The following PXDNL variants were observed in gnomAD, a reference collection of about 807,000 sequenced individuals.
PXDNL encodes peroxidasin like.
A neutral mutation model predicts 150.8 loss-of-function variants in PXDNL; 145 were observed. The observed-to-expected ratio is 0.96, with a 90% CI of 0.84 to 1.10. PXDNL has a LOEUF of 1.10. Ranked by LOEUF, PXDNL falls within the 50% of genes least tolerant of loss-of-function variation. The probability of loss-of-function intolerance (pLI) is 0.00; values close to 1 mark genes in which losing one functional copy is unlikely to be tolerated. For synonymous variants in PXDNL, 757 were observed against 725.7 expected, an observed-to-expected ratio of 1.04 and a Z score of -0.69; for missense variants, 2,087 against 1,873.9, an observed-to-expected ratio of 1.11 and a Z score of -2.10.
intron 1 of PXDNL, among the ~76,000 whole-genome samples, chr8:51,707,404 T>C (rs992961455): frequency 6.6e-6 from 1 of 152,192 alleles, no homozygotes; most frequent in Non-Finnish European, 1.5e-5. Context: ...TTTGGACATA[T>C]GCCTATACTC....
intron 1 of PXDNL, among the ~76,000 whole-genome samples, chr8:51,741,809 C>T (rs1334752941): frequency 5.9e-5 from 9 of 152,194 alleles, no homozygotes; most frequent in African/African-American, 2.2e-4. Flanking sequence ...TAAAATATCA[C>T]AATTCTGGAA....
intron 1 of PXDNL, among the ~76,000 whole-genome samples, chr8:51,736,567 C>T (rs1477910611): frequency 6.6e-6 from 1 of 152,214 alleles, no homozygotes; most frequent in African/African-American, 2.4e-5. Flanking sequence ...CTCCTTGTTC[C>T]TGTTTGTCTT....
intron 4 of PXDNL, among the ~76,000 whole-genome samples, chr8:51,509,826 G>C (rs939599199): frequency 6.7e-6 from 1 of 150,050 alleles, no homozygotes; most frequent in Non-Finnish European, 1.5e-5. Flanking sequence ...GTGTGTGTGT[G>C]TATATACCGA....
Position 51,534,391 on chromosome 8 carries a change from C to T in PXDNL, c.380+22449G>A, listed in dbSNP as rs1431068875. On this transcript the variant is annotated intron_variant, in intron 4 of 22. Transcript: ENST00000356297. ...CCCCCGCCAGGCCAGCCGCCCAGTC[C>T]GGGAGGTGAGGGGCGCCTCTGCCCG... Among the ~76,000 whole-genome samples the T allele has an allele frequency of 9.5e-5, 13 of 136,156 alleles. 1 individual carries two copies. Among genetic ancestry groups the T allele is most frequent in the Admixed American group, 5.7e-4 (8 of 14,134 alleles). 89.3% of individuals were successfully genotyped at this position (136,156 alleles called of 152,430 possible). A position where few individuals can be genotyped will look rare whatever the true frequency, so the allele number is the denominator to read the frequency against.
chr8:51,793,396 A>C (rs1173039284), intron 1 of PXDNL, among the ~76,000 whole-genome samples: 1 of 152,234 alleles, frequency 6.6e-6, no homozygotes, highest in East Asian at 1.9e-4. Context: ...TCAACAAAAA[A>C]ATGCTGGTAA....
intron 1 of PXDNL, among the ~76,000 whole-genome samples, 166 bp from the exon 2 acceptor site, chr8:51,654,926 G>A (rs1454068880): frequency 6.6e-6 from 1 of 152,202 alleles, no homozygotes; most frequent in Non-Finnish European, 1.5e-5. Flanking sequence ...AATCATTAGG[G>A]AGGTGCACTG....
intron 1 of PXDNL, among the ~76,000 whole-genome samples, chr8:51,749,997 G>A (rs1209399606): frequency 1.3e-5 from 2 of 152,098 alleles, no homozygotes; most frequent in East Asian, 1.9e-4. Context: ...ACCAGGCCCG[G>A]TCCACTAAAC....
At chr8:51,483,161 G>C (rs1810641949) in intron 6 of PXDNL, among the ~76,000 whole-genome samples, 1 of 152,208 alleles carries the variant, frequency 6.6e-6, no homozygotes, top group African/African-American at 2.4e-5. Flanking sequence ...CCACGGATGG[G>C]AGCAGGGAAG....
At chr8:51,710,988 G>A (rs9298460) in intron 1 of PXDNL, among the ~76,000 whole-genome samples, 147,954 of 152,296 alleles carry the variant, frequency 0.97, 72,012 homozygotes, top group South Asian at 1. Context: ...CACCATATGT[G>A]TTCAACGTAG....
intron 19 of PXDNL, among the ~76,000 whole-genome samples, chr8:51,349,168 T>TG (rs1206410504): frequency 1.3e-3 from 86 of 68,686 alleles, no homozygotes; most frequent in African/African-American, 3.2e-3. Context: ...GGTGGGTGTG[T>TG]GTGTGGGGGT....
intron 2 of PXDNL, among the ~76,000 whole-genome samples, chr8:51,614,472 T>C (rs1329809390): frequency 1.3e-5 from 2 of 152,186 alleles, no homozygotes; most frequent in African/African-American, 2.4e-5. Context: ...TACTATACCT[T>C]ATTTTCCCTT....
At chr8:51,398,717 C>T (rs926285824) in intron 17 of PXDNL, among the ~76,000 whole-genome samples, 3 of 152,020 alleles carry the variant, frequency 2.0e-5, no homozygotes, top group Non-Finnish European at 2.9e-5. Flanking sequence ...AAATGCAAGG[C>T]GGAATCACAG....
intron 2 of PXDNL, among the ~76,000 whole-genome samples, chr8:51,608,013 G>GAAAGAGAAAGAA (rs1563481623): frequency 1.4e-5 from 1 of 73,246 alleles, no homozygotes; most frequent in African/African-American, 7.8e-5. Flanking sequence ...AAGAAAGAAA[G>GAAAGAGAAAGAA]AAAGAAAGAA....
chr8:51,548,975 G>A (rs1321948689), intron 4 of PXDNL, among the ~76,000 whole-genome samples: 1 of 152,058 alleles, frequency 6.6e-6, no homozygotes, highest in Non-Finnish European at 1.5e-5. Flanking sequence ...AAGGCAAAGG[G>A]ATGGGAAAAG....
At chr8:51,653,087 C>A (rs1379907694) in intron 2 of PXDNL, among the ~76,000 whole-genome samples, 1 of 152,112 alleles carries the variant, frequency 6.6e-6, no homozygotes, top group African/African-American at 2.4e-5. Flanking sequence ...TTTCAGTAGA[C>A]AGTGGTGAAA....
chr8:51,451,608 T>C (rs968546216), intron 10 of PXDNL, among the ~76,000 whole-genome samples: 3 of 152,226 alleles, frequency 2.0e-5, no homozygotes, highest in African/African-American at 4.8e-5. Context: ...TTTTTACCTA[T>C]ATGTCCACAC....
intron 1 of PXDNL, among the ~76,000 whole-genome samples, chr8:51,744,293 G>GGAGA (rs1554511732): frequency 5.7e-5 from 8 of 139,318 alleles, no homozygotes; most frequent in Non-Finnish European, 9.1e-5. Flanking sequence ...AGGAAAGAAG[G>GGAGA]AAGAAAGAAA....
intron 3 of PXDNL, among the ~76,000 whole-genome samples, chr8:51,569,695 A>G (rs1162589397): frequency 1.3e-5 from 2 of 151,930 alleles, no homozygotes; most frequent in Non-Finnish European, 2.9e-5. Context: ...TTTTCAAATC[A>G]TTCAAATATT....
intron 21 of PXDNL, among the ~76,000 whole-genome samples, chr8:51,337,107 T>C (rs1805850829): frequency 6.6e-6 from 1 of 152,152 alleles, no homozygotes; most frequent in Non-Finnish European, 1.5e-5. Context: ...CACTCCATCT[T>C]GATAAATTTA....
Sources: allele counts gnomAD v4.1 joint callset (sites outside exome capture counted in the v4.1 genomes callset), GRCh38; gene constraint gnomAD v4.1.1; transcripts MANE v1.5; gene names NCBI Gene and HGNC (gene_info 2026-07-23, HGNC 2026-07-21).